The following GALNT13 variants were observed in gnomAD, a reference collection of about 807,000 sequenced individuals.
GALNT13 encodes the protein UDP-GalNAc:polypeptide N-acetylgalactosaminyltransferase 13.
GALNT13 carries 28 observed loss-of-function variants against 64.2 expected under a neutral mutation model. The observed-to-expected ratio is 0.44, with a 90% CI of 0.32 to 0.60. GALNT13 has a LOEUF of 0.60. GALNT13 is among the 20% of genes least tolerant of loss of function. GALNT13 has a pLI of 0.05. For missense variants in GALNT13, 577 were observed against 669.8 expected (o/e 0.86, Z 1.53); for synonymous variants, 214 against 224.6 (o/e 0.95, Z 0.42).
chr2:153,624,968 G>A, the GALNT13 span, among the ~76,000 whole-genome samples: 1 of 151,826 alleles, frequency 6.6e-6, no homozygotes, highest in Non-Finnish European at 1.5e-5. Flanking sequence ...GTGATTTGTT[G>A]CATTTGAGAA....
the GALNT13 span, among the ~76,000 whole-genome samples, chr2:153,866,716 A>C: frequency 6.6e-6 from 1 of 152,206 alleles, no homozygotes; most frequent in Non-Finnish European, 1.5e-5. Context: ...TAAAACTTTT[A>C]ATGAGATATT....
chr2:154,120,513 T>C (rs1419271099), intron 3 of GALNT13, among the ~76,000 whole-genome samples: 1 of 152,168 alleles, frequency 6.6e-6, no homozygotes, highest in East Asian at 1.9e-4. Flanking sequence ...TGTTTGACTT[T>C]CCAGGTCAAA....
intron 4 of GALNT13, among the ~76,000 whole-genome samples, chr2:154,206,901 A>C (rs764383536): frequency 6.4e-4 from 98 of 152,146 alleles, no homozygotes; most frequent in Middle Eastern, 3.4e-3. Context: ...ATCAGCAATC[A>C]GGATTTATTT....
chr2:153,683,437 GA>G, the GALNT13 span, among the ~76,000 whole-genome samples: 136,058 of 151,404 alleles, frequency 0.9, 61,306 homozygotes, highest in Middle Eastern at 0.95. Context: ...TACGTAAATG[GA>G]AAAACCTCAC....
the GALNT13 span, among the ~76,000 whole-genome samples, chr2:153,373,172 A>T: frequency 2.7e-5 from 4 of 149,370 alleles, no homozygotes; most frequent in African/African-American, 9.8e-5. Flanking sequence ...ACGTGTGTTC[A>T]TGCACACATA....
At chr2:153,891,851 A>T (rs1687575508) in intron 1 of GALNT13, among the ~76,000 whole-genome samples, 1 of 151,884 alleles carries the variant, frequency 6.6e-6, no homozygotes, top group Non-Finnish European at 1.5e-5. Context: ...TTGGCCTTGC[A>T]TCTCACTTTT....
chr2:153,582,748 T>A, the GALNT13 span, among the ~76,000 whole-genome samples: 3 of 152,114 alleles, frequency 2.0e-5, no homozygotes, highest in African/African-American at 4.8e-5. Flanking sequence ...TACATCTCTT[T>A]GAAATAAAAA....
At chr2:153,131,490 T>A in the GALNT13 span, among the ~76,000 whole-genome samples, 1 of 150,908 alleles carries the variant, frequency 6.6e-6, no homozygotes, top group Non-Finnish European at 1.5e-5. Flanking sequence ...TGTAAGAGAG[T>A]AAACTGGAGG....
the GALNT13 span, among the ~76,000 whole-genome samples, chr2:153,754,521 C>A: frequency 6.6e-6 from 1 of 152,110 alleles, no homozygotes; most frequent in African/African-American, 2.4e-5. Context: ...AACTCTTGAC[C>A]AGTGCCTATC....
chr2:154,059,143 T>C (rs1430499729), intron 3 of GALNT13, among the ~76,000 whole-genome samples: 2 of 152,244 alleles, frequency 1.3e-5, no homozygotes, highest in Non-Finnish European at 2.9e-5. Context: ...ACTGAAAAAC[T>C]GCGGTTACCG....
the GALNT13 span, among the ~76,000 whole-genome samples, chr2:153,667,097 TA>T: frequency 4.0e-5 from 6 of 151,752 alleles, 1 homozygote; most frequent in Admixed American, 3.3e-4. Flanking sequence ...GAAAAAAGAA[TA>T]AAAAAGAATG....
the GALNT13 span, among the ~76,000 whole-genome samples, chr2:153,480,406 A>T: frequency 1.3e-5 from 2 of 152,142 alleles, no homozygotes; most frequent in African/African-American, 4.8e-5. Context: ...TTGATTTTTT[A>T]AAATAGCTAT....
chr2:154,363,472 A>G (rs1697192135), intron 9 of GALNT13, among the ~76,000 whole-genome samples: 1 of 152,148 alleles, frequency 6.6e-6, no homozygotes, highest in Admixed American at 6.5e-5. Flanking sequence ...CCATCAGCTA[A>G]TTGCACGACC....
chr2:153,421,752 G>A, the GALNT13 span: 2 of 241,584 alleles, frequency 8.3e-6, no homozygotes, highest in Admixed American at 4.1e-5. Flanking sequence ...CAGTGACTAT[G>A]GGTTCCAGGT....
the GALNT13 span, among the ~76,000 whole-genome samples, chr2:153,517,195 C>G: frequency 6.6e-6 from 1 of 152,250 alleles, no homozygotes; most frequent in African/African-American, 2.4e-5. Flanking sequence ...CATATACTCT[C>G]CCTGCCTTTT....
the GALNT13 span, among the ~76,000 whole-genome samples, chr2:153,470,165 T>C: frequency 5.9e-5 from 9 of 152,318 alleles, no homozygotes; most frequent in Admixed American, 5.9e-4. Flanking sequence ...ATACTGTCTC[T>C]AGGCTTTGGA....
At chr2:153,408,659 TTTTTG>T in the GALNT13 span, among the ~76,000 whole-genome samples, 3 of 149,770 alleles carry the variant, frequency 2.0e-5, no homozygotes, top group Non-Finnish European at 4.5e-5. Flanking sequence ...TTTGTTTTTG[TTTTTG>T]TTTTTTTTTT....
chr2:153,545,756 C>T, the GALNT13 span, among the ~76,000 whole-genome samples: 59 of 152,302 alleles, frequency 3.9e-4, no homozygotes, highest in African/African-American at 1.3e-3. Flanking sequence ...ATAGTGGGAT[C>T]TGTCCCAACT....
chr2:153,772,903 C>T, the GALNT13 span, among the ~76,000 whole-genome samples: 1 of 152,154 alleles, frequency 6.6e-6, no homozygotes, highest in African/African-American at 2.4e-5. Flanking sequence ...GGCTGCTGCC[C>T]CTGCTCTGAT....
Sources: gnomAD v4.1 joint callset for allele counts (sites outside exome capture counted in the v4.1 genomes callset) on GRCh38, gnomAD v4.1.1 for gene constraint, MANE v1.5 for transcripts, NCBI Gene and HGNC (gene_info 2026-07-23, HGNC 2026-07-21) for gene names.